EXT2: variants seen among roughly 807,000 people sequenced by gnomAD.
EXT2 encodes exostosin glycosyltransferase 2.
EXT2 carries 53 observed loss-of-function variants against 81.6 expected under a neutral mutation model. That is an observed-to-expected ratio of 0.65 (90% CI 0.52 to 0.82). The LOEUF (loss-of-function observed/expected upper bound fraction) is 0.82. EXT2 is among the 40% of genes least tolerant of loss of function. EXT2 has a pLI of 0.00. For synonymous variants in EXT2, 320 were observed against 340.0 expected (o/e 0.94, Z 0.65); for missense variants, 774 against 910.2 (o/e 0.85, Z 1.93).
intron 8 of EXT2, among the ~76,000 whole-genome samples, chr11:44,185,889 C>A (rs1389285837): frequency 6.6e-6 from 1 of 152,228 alleles, no homozygotes; most frequent in East Asian, 1.9e-4. Context: ...GCTACTCTTT[C>A]AAACTGTCAG....
At chr11:44,229,528 A>G (rs370215354) in intron 10 of EXT2, among the ~76,000 whole-genome samples, 1 of 152,206 alleles carries the variant, frequency 6.6e-6, no homozygotes, top group Non-Finnish European at 1.5e-5. Context: ...GACCACGCCC[A>G]AGACCTAGGT....
At chr11:44,229,726 C>A (rs1034112512) in intron 10 of EXT2, among the ~76,000 whole-genome samples, 1 of 152,210 alleles carries the variant, frequency 6.6e-6, no homozygotes, top group Non-Finnish European at 1.5e-5. Flanking sequence ...AACTGCTGGT[C>A]AGTACTGCTG....
intron 1 of EXT2, chr11:44,096,226 C>T (rs1590532813): frequency 2.0e-6 from 3 of 1,535,348 alleles, no homozygotes; most frequent in Middle Eastern, 3.3e-4. Context: ...TCCCGCCAGC[C>T]ACAGGGATCT....
chr11:44,239,828 A>T (rs1295826987), intron 13 of EXT2, among the ~76,000 whole-genome samples: 1 of 151,880 alleles, frequency 6.6e-6, no homozygotes, highest in African/African-American at 2.4e-5. Flanking sequence ...TTAAAAAAAA[A>T]TGTTGAGCCC....
chr11:44,119,170 A>ATATATT (rs58222997), intron 4 of EXT2, among the ~76,000 whole-genome samples: 1 of 43,122 alleles, frequency 2.3e-5, no homozygotes, highest in Non-Finnish European at 5.6e-5. Context: ...ATATATATAT[A>ATATATT]CACATACACA....
At position 44,206,842 on chromosome 11, in the gene EXT2, T is replaced by A; in HGVS notation, c.1545T>A (p.Ala515=). Residue 515 remains alanine (A), a synonymous_variant, in exon 10 of 14, where the codon GCT becomes GCA. Transcript: ENST00000533608. ...IRVPLKVVRT[A]ENKLSNRFFP... is the part of the protein sequence containing the mutation. ...TTCCATTAAAAGTTGTGAGGACTGC[T>A]GAAAACAAGTTAAGTAACCGTTTCT... is the stretch of plus-strand genomic sequence containing the variant. The A allele has an allele frequency of 6.2e-7, 1 of 1,614,132 alleles. No individual in the cohort carries two copies. Among genetic ancestry groups the A allele is most frequent in the Non-Finnish European group, 8.5e-7 (1 of 1,180,004 alleles).
At chr11:44,173,358 C>T (rs762599330) in intron 8 of EXT2, among the ~76,000 whole-genome samples, 10 of 152,090 alleles carry the variant, frequency 6.6e-5, no homozygotes, top group Admixed American at 2.0e-4. Context: ...AGTTTTAAAA[C>T]ATATATGGGA....
chr11:44,235,315 G>C (rs1590668895), intron 12 of EXT2, among the ~76,000 whole-genome samples: 1 of 132,330 alleles, frequency 7.6e-6, no homozygotes, highest in African/African-American at 2.9e-5. Context: ...GCTCACTGCA[G>C]CCTCTGCCTC....
At chr11:44,243,876 G>A (rs1204775105) in intron 13 of EXT2, among the ~76,000 whole-genome samples, 3 of 152,014 alleles carry the variant, frequency 2.0e-5, no homozygotes, top group Non-Finnish European at 4.4e-5. Flanking sequence ...GACCTTTGCA[G>A]GCCCGTGGCC....
chr11:44,168,209 C>T (rs1456817443), intron 7 of EXT2, among the ~76,000 whole-genome samples: 1 of 98,068 alleles, frequency 1.0e-5, no homozygotes, highest in East Asian at 2.8e-4. Flanking sequence ...GAATTTAATA[C>T]ATGGGTTTAA....
intron 10 of EXT2, among the ~76,000 whole-genome samples, chr11:44,221,129 C>T (rs1955777102): frequency 6.6e-6 from 1 of 152,216 alleles, no homozygotes. Flanking sequence ...GCACATACTG[C>T]TTGCTGGCAC....
chr11:44,132,596 C>G (rs1307723212), intron 7 of EXT2, among the ~76,000 whole-genome samples: 3 of 152,168 alleles, frequency 2.0e-5, no homozygotes, highest in Admixed American at 2.0e-4. Flanking sequence ...ATGCTTATCC[C>G]TACCAAGAAC....
intron 9 of EXT2, among the ~76,000 whole-genome samples, chr11:44,205,580 G>A (rs1173856144): frequency 1.3e-5 from 2 of 152,170 alleles, no homozygotes; most frequent in Non-Finnish European, 2.9e-5. Flanking sequence ...ACTTGCACAG[G>A]CCTCTTCCAA....
chr11:44,185,698 G>A (rs1955301359), intron 8 of EXT2, among the ~76,000 whole-genome samples: 1 of 152,160 alleles, frequency 6.6e-6, no homozygotes, highest in Non-Finnish European at 1.5e-5. Flanking sequence ...TACAGAAACT[G>A]TGGTTTTCTT....
chr11:44,172,372 C>T lies in EXT2; in HGVS notation c.1305+630C>T, dbSNP rs138656951. On this transcript the variant is annotated intron_variant, in intron 8 of 13. Coordinates refer to ENST00000533608, the MANE Select transcript of EXT2 (RefSeq NM_207122.2). ...GTCCTTGTAGAAACTGTGGCAGTGG[C>T]TTCTAGGCACAGCTTCTTTCTCACT... 3.3e-3 allele frequency among the ~76,000 whole-genome samples: 500 copies of T among 152,214 alleles called. 3 individuals carry two copies. Among genetic ancestry groups the T allele is most frequent in the Non-Finnish European group, 4.0e-3 (275 of 68,014 alleles).
rs1488218887 is a variant in EXT2, at chr11:44,246,603, G to T, written c.*2316G>T. Among the ~76,000 whole-genome samples, 1 of 152,164 alleles carries T rather than the reference G, an allele frequency of 6.6e-6. No individual in the cohort carries two copies. The highest frequency in any genetic ancestry group is 2.4e-5 in the African/African-American group (1 of 41,436). ...GCATAAAACAATTTATGTTAAAGAA[G>T]GAGCATTATATCCTAGGCACTTGAA... is the stretch of plus-strand genomic sequence containing the variant. On this transcript the variant is annotated 3_prime_UTR_variant, in exon 14 of 14. Coordinates refer to ENST00000533608, the MANE Select transcript of EXT2 (RefSeq NM_207122.2).
intron 3 of EXT2, among the ~76,000 whole-genome samples, chr11:44,109,576 C>T (rs1415102204): frequency 6.6e-6 from 1 of 152,166 alleles, no homozygotes; most frequent in Non-Finnish European, 1.5e-5. Context: ...TGCTAGCTCT[C>T]TCTGAATTCG....
intron 8 of EXT2, among the ~76,000 whole-genome samples, chr11:44,195,296 T>A (rs888463315): frequency 2.0e-5 from 3 of 151,844 alleles, no homozygotes; most frequent in African/African-American, 4.8e-5. Flanking sequence ...TAGCCCAGTG[T>A]GGTGGTGCAT....
chr11:44,204,965 G>A (rs1291466255), intron 9 of EXT2, among the ~76,000 whole-genome samples: 5 of 152,150 alleles, frequency 3.3e-5, no homozygotes, highest in Admixed American at 6.5e-5. Flanking sequence ...GCAAGAATAA[G>A]GATGATTGCT....
Sources: allele counts gnomAD v4.1 joint callset (sites outside exome capture counted in the v4.1 genomes callset), GRCh38; gene constraint gnomAD v4.1.1; transcripts MANE v1.5; gene names NCBI Gene and HGNC (gene_info 2026-07-23, HGNC 2026-07-21).